Variants in BMP1 observed in about 807,000 individuals in gnomAD.
BMP1 encodes mammalian tolloid protein.
Under a neutral mutation model 116.8 loss-of-function variants are expected in BMP1, and 63 were observed. The ratio of observed to expected loss-of-function variants is 0.54; its 90% CI spans 0.44 to 0.67. BMP1 has a LOEUF of 0.67. BMP1 is among the 30% of genes least tolerant of loss of function. The pLI is 0.00. For synonymous variants in BMP1, 536 were observed against 533.4 expected, an observed-to-expected ratio of 1.00 and a Z score of -0.07; for missense variants, 1,183 against 1,358.9, an observed-to-expected ratio of 0.87 and a Z score of 2.04.
chr8:22,196,285 T>A lies in BMP1; in HGVS notation c.1766-395T>A, dbSNP rs1325928869. ...GCTGGGGACAGCACTCCGAGGCTAA[T>A]GGCTCCAGCTCACTAGGCCGATCCT... On this transcript the variant is annotated intron_variant, in intron 13 of 19. Transcript: ENST00000306385. 4 of 546,822 alleles carry A rather than the reference T, an allele frequency of 7.3e-6. No individual in the cohort carries two copies. The Admixed American group carries it at 7.7e-5, about 10-fold the overall frequency. 33.9% of individuals were successfully genotyped at this position (546,822 alleles called of 1,614,324 possible).
chr8:22,187,321 A>AT (rs1323522535), intron 8 of BMP1, among the ~76,000 whole-genome samples: 22 of 148,518 alleles, frequency 1.5e-4, no homozygotes, highest in African/African-American at 5.0e-4. Context: ...ATTTTAATTA[A>AT]TTAATTAATT....
chr8:22,179,920 G>A lies in BMP1; in HGVS notation c.961+91G>A. ...GCCTGGTGCCACCAAGAAGGCTTAG[G>A]CTGCAAGTCTTAGAGAATGGTGTGG... is the stretch of plus-strand genomic sequence containing the variant. On this transcript the variant is annotated intron_variant, in intron 7 of 19. Coordinates refer to ENST00000306385, the MANE Select transcript of BMP1 (RefSeq NM_006129.5). The surrounding 1 kb of genome is among the most constrained non-coding windows in gnomAD (Gnocchi z 4.6). The A allele has an allele frequency of 7.3e-7, 1 of 1,370,950 alleles. No individual in the cohort carries two copies. The highest frequency in any genetic ancestry group is 1.0e-6 in the Non-Finnish European group (1 of 1,003,858). 84.9% of individuals were successfully genotyped at this position (1,370,950 alleles called of 1,614,324 possible). A position where few individuals can be genotyped will look rare whatever the true frequency, so the allele number is the denominator to read the frequency against.
At chr8:22,200,494 C>T (rs766030525) in intron 15 of BMP1, among the ~76,000 whole-genome samples, 5 of 152,050 alleles carry the variant, frequency 3.3e-5, no homozygotes, top group Non-Finnish European at 2.9e-5. Context: ...ACAGGCTGGG[C>T]GGGCAAGTGA....
chr8:22,178,762 CT>C (rs1474331581), intron 6 of BMP1, among the ~76,000 whole-genome samples: 2 of 152,094 alleles, frequency 1.3e-5, no homozygotes, highest in Non-Finnish European at 2.9e-5. Flanking sequence ...CAAGATTCTC[CT>C]TAGCAGTGTG....
intron 8 of BMP1, among the ~76,000 whole-genome samples, chr8:22,188,557 A>G (rs1169306673): frequency 1.3e-5 from 2 of 152,200 alleles, no homozygotes; most frequent in Non-Finnish European, 2.9e-5. Context: ...GGGGCAGGCC[A>G]GGTTTTCTCT....
In BMP1 at chr8:22,175,820, A is replaced by G. The variant is rs907333795; in HGVS notation, c.263-323A>G. Reference sequence around the variant, plus strand: ...CGAAACCCTCAACAAAGCGCACAAAAACACAAAAAACAGGGCACTTTAACT... The same window carrying G: ...CGAAACCCTCAACAAAGCGCACAAAGACACAAAAAACAGGGCACTTTAACT... On this transcript the variant is annotated intron_variant, in intron 2 of 19. Transcript: ENST00000306385. Among the ~76,000 whole-genome samples the G allele has an allele frequency of 2.6e-5, 4 of 152,306 alleles. No individual in the cohort carries two copies. The East Asian group carries it at 7.7e-4, about 29-fold the overall frequency.
In BMP1 at chr8:22,180,557, G is replaced by T. The variant is rs902777878; in HGVS notation, c.1077+74G>T. The T allele has an allele frequency of 7.8e-6, 11 of 1,402,700 alleles. No individual in the cohort carries two copies. The East Asian group carries it at 2.3e-4, about 29-fold the overall frequency. The allele number at this position is 1,402,700 out of a possible 1,614,324, so 86.9% of individuals were successfully genotyped here. A position where few individuals can be genotyped will look rare whatever the true frequency, so the allele number is the denominator to read the frequency against. On this transcript the variant is annotated intron_variant, in intron 8 of 19. Transcript: ENST00000306385. ...ATACCTCAGGGACTTCTCCCACAGT[G>T]GGGGTCAATATGGGTGCCAGCGACC... is the stretch of plus-strand genomic sequence containing the variant.
chr8:22,196,520 G>T (rs370771851), intron 13 of BMP1, 160 bp from the exon 14 acceptor site: 12 of 1,071,726 alleles, frequency 1.1e-5, no homozygotes, highest in Non-Finnish European at 1.6e-5. Flanking sequence ...AGGCCACCCT[G>T]CCTCCTCCCG....
intron 8 of BMP1, among the ~76,000 whole-genome samples, chr8:22,190,748 C>T (rs1196510030): frequency 1.3e-5 from 2 of 152,196 alleles, no homozygotes; most frequent in Admixed American, 6.5e-5. Flanking sequence ...ACAGCCACTG[C>T]CAGTGCCCAC....
chr8:22,188,496 G>T (rs1236342133), intron 8 of BMP1, among the ~76,000 whole-genome samples: 1 of 152,168 alleles, frequency 6.6e-6, no homozygotes. Context: ...CAAAAACACT[G>T]AGCCTTAAGG....
At chr8:22,207,607 A>T in intron 18 of BMP1, 91 bp downstream of exon 18, 20 of 1,446,470 alleles carry the variant, frequency 1.4e-5, no homozygotes, top group Non-Finnish European at 1.8e-5. Flanking sequence ...GAAGGTACAG[A>T]GGGACTGAGC....
intron 12 of BMP1, among the ~76,000 whole-genome samples, chr8:22,195,163 C>A (rs1361937388): frequency 1.3e-5 from 2 of 152,138 alleles, no homozygotes. Flanking sequence ...ACCTGTGTGA[C>A]CTTGGGCAGG....
At chr8:22,175,795 C>T (rs560410474) in intron 2 of BMP1, among the ~76,000 whole-genome samples, 12 of 152,230 alleles carry the variant, frequency 7.9e-5, no homozygotes, top group African/African-American at 1.4e-4. Context: ...TTTTAAACAG[C>T]GAAACCCTCA....
At chr8:22,202,247 G>C (rs1174230625) in intron 16 of BMP1, among the ~76,000 whole-genome samples, 1 of 152,230 alleles carries the variant, frequency 6.6e-6, no homozygotes, top group African/African-American at 2.4e-5. Context: ...AGGCGAGAAA[G>C]GATAGTGGGT....
chr8:22,200,600 G>A (rs112790399), intron 15 of BMP1, among the ~76,000 whole-genome samples: 4,373 of 152,266 alleles, frequency 0.029, 92 homozygotes, highest in Middle Eastern at 0.11. Flanking sequence ...AGTGTGTACC[G>A]TGTGCACATG....
chr8:22,189,709 C>A (rs1310814982), intron 8 of BMP1, among the ~76,000 whole-genome samples: 1 of 151,936 alleles, frequency 6.6e-6, no homozygotes, highest in Admixed American at 6.6e-5. Context: ...TCAAGCGATC[C>A]TCTTGCCTCA....
chr8:22,205,504 G>A (rs1354816539), intron 16 of BMP1, among the ~76,000 whole-genome samples: 1 of 152,220 alleles, frequency 6.6e-6, no homozygotes, highest in Non-Finnish European at 1.5e-5. Context: ...GCCAGGCACA[G>A]TGGCTCATGC....
chr8:22,209,527 G>A lies in BMP1; in HGVS notation c.2658G>A (p.Gly886=). 6.2e-7 allele frequency: 1 copy of A among 1,614,242 alleles called. No homozygotes were observed. Among genetic ancestry groups the A allele is most frequent in the Non-Finnish European group, 8.5e-7 (1 of 1,180,036 alleles). Residue 886 remains glycine, a synonymous_variant, in exon 19 of 20, where the codon GGG becomes GGA. Transcript: ENST00000306385. ...AGTTTGGCGACAACAACTACCCTGG[G>A]GGTGTGGACTGTGAGTGGGTCATTG... ...HAQFGDNNYP[G]GVDCEWVIVA... is the part of the protein sequence containing the mutation.
At chr8:22,206,305 T>C (rs1166693686) in intron 16 of BMP1, among the ~76,000 whole-genome samples, 4 of 150,176 alleles carry the variant, frequency 2.7e-5, no homozygotes, top group Admixed American at 6.6e-5. Context: ...AGTTTGAGAC[T>C]AGCCTGGCCA....
Sources: gnomAD v4.1 joint callset for allele counts (sites outside exome capture counted in the v4.1 genomes callset) on GRCh38, gnomAD v4.1.1 for gene constraint, Gnocchi (gnomAD v3.1) non-coding constraint, MANE v1.5 for transcripts, NCBI Gene and HGNC (gene_info 2026-07-23, HGNC 2026-07-21) for gene names.